Variants in TRIOBP observed in about 807,000 individuals in gnomAD.
TRIOBP encodes TRIO and F-actin binding protein, also known as TRIO and F-actin-binding protein.
Under a neutral mutation model 238.8 loss-of-function variants are expected in TRIOBP, and 169 were observed. The observed-to-expected ratio is 0.71, with a 90% confidence interval of 0.62 to 0.80. The LOEUF is 0.80. TRIOBP is among the 30% of genes least tolerant of loss of function. The pLI, the probability that TRIOBP is intolerant of heterozygous loss-of-function variation, is 0.00. For synonymous variants in TRIOBP, 1,150 were observed against 1,274.4 expected (o/e 0.90, Z 2.08); for missense variants, 2,838 against 3,122.6 (o/e 0.91, Z 2.17).
chr22:37,730,092 C>T (rs138459935), intron 7 of TRIOBP, among the ~76,000 whole-genome samples: 126 of 152,234 alleles, frequency 8.3e-4, no homozygotes, highest in African/African-American at 2.9e-3. Flanking sequence ...CTTAGAGTCA[C>T]GTAGCATCCT....
chr22:37,765,545 TG>T, intron 17 of TRIOBP, 124 bp from the exon 18 acceptor site: 1 of 1,284,360 alleles, frequency 7.8e-7, no homozygotes, highest in Non-Finnish European at 1.1e-6. Flanking sequence ...AGGTGCAGAC[TG>T]GAGGTGCTGG....
At chr22:37,715,610 TG>T (rs1330502575) in intron 5 of TRIOBP, among the ~76,000 whole-genome samples, 152 bp from the exon 6 acceptor site, 1 of 152,224 alleles carries the variant, frequency 6.6e-6, no homozygotes. Context: ...CCCAAAGTGC[TG>T]GGATTGCAGG....
At position 37,757,806 on chromosome 22, in the gene TRIOBP, A is replaced by G; in HGVS notation, c.5881A>G (p.Thr1961Ala). 6.5e-7 allele frequency: 1 copy of G among 1,547,068 alleles called. No individual in the cohort carries two copies. Among genetic ancestry groups the G allele is most frequent in the Non-Finnish European group, 8.7e-7 (1 of 1,144,784 alleles). ...LTQASPQRAR[T>A]PARTPDRLAK... is the part of the protein sequence containing the mutation. ...CCAGGCTTCCCCGCAGCGGGCCCGCACCCCAGCCCGCACTCCTGACCGCCT... is the reference window on the plus strand; with the variant it reads ...CCAGGCTTCCCCGCAGCGGGCCCGCGCCCCAGCCCGCACTCCTGACCGCCT... The change falls in exon 16 of 24, where the codon ACC becomes GCC. Residue 1961 changes from threonine to alanine, a missense_variant. By Grantham distance (58) the Thr-to-Ala change is moderately conservative. Around this residue, in one of 5 missense-constraint regions of TRIOBP, gnomAD observed 2,096 missense variants for 2,137.4 expected, o/e 0.98. Coordinates refer to ENST00000644935, the MANE Select transcript of TRIOBP (RefSeq NM_001039141.3).
Position 37,725,966 on chromosome 22 carries a change from A to G in TRIOBP, c.3410A>G (p.Gln1137Arg). ...GCCCCAGAGCCTTCCCTCTTATTCC[A>G]GGACCTCCCCAGGGCCAGCACAGAG... is the stretch of plus-strand genomic sequence containing the variant. ...RQAPEPSLLF[Q>R]DLPRASTESL... is the part of the protein sequence containing the mutation. Residue 1137 changes from glutamine (Q) to arginine (R), a missense_variant, in exon 7 of 24, where the codon CAG becomes CGG. Transcript: ENST00000644935. The G allele has an allele frequency of 6.2e-7, 1 of 1,604,390 alleles. No homozygotes were observed. The highest frequency in any genetic ancestry group is 8.5e-7 in the Non-Finnish European group (1 of 1,177,316).
At chr22:37,744,539 A>G (rs1001158232) in intron 11 of TRIOBP, among the ~76,000 whole-genome samples, 3 of 152,146 alleles carry the variant, frequency 2.0e-5, no homozygotes, top group Non-Finnish European at 4.4e-5. Context: ...TGTTGCGGGT[A>G]CTAGGAGGAG....
chr22:37,711,691 G>T (rs903215768), intron 4 of TRIOBP, among the ~76,000 whole-genome samples: 3 of 151,716 alleles, frequency 2.0e-5, no homozygotes, highest in African/African-American at 2.4e-5. Flanking sequence ...TGGGATAAAT[G>T]AAGTTGAATA....
intron 7 of TRIOBP, among the ~76,000 whole-genome samples, chr22:37,727,388 GC>G (rs1048098706): frequency 6.6e-6 from 1 of 152,038 alleles, no homozygotes; most frequent in African/African-American, 2.4e-5. Flanking sequence ...TATGGCCAGG[GC>G]CGGGCACGGT....
At chr22:37,739,588 C>T (rs147749451) in intron 10 of TRIOBP, among the ~76,000 whole-genome samples, 36 of 152,308 alleles carry the variant, frequency 2.4e-4, no homozygotes, top group Admixed American at 9.1e-4. Context: ...GGCCCAGGAA[C>T]CACCCAGCGC....
At chr22:37,714,934 A>G (rs1334977857) in intron 5 of TRIOBP, among the ~76,000 whole-genome samples, 1 of 152,144 alleles carries the variant, frequency 6.6e-6, no homozygotes, top group Non-Finnish European at 1.5e-5. Flanking sequence ...CGGAGTCTAC[A>G]CCACAGAAGG....
At position 37,718,843 on chromosome 22, in the gene TRIOBP, GTTTTTTTTTTTT is replaced by G. The variant is rs71195044; in HGVS notation, c.628+2919_628+2930del. ...GGCATTACTGGGACAACTGGGGCTT[GTTTTTTTTTTTT>G]TTTTTTTTTGAGATGGAGTCTTGCT... On this transcript the variant is annotated intron_variant, in intron 6 of 23. Transcript: ENST00000644935. Among the ~76,000 whole-genome samples the G allele has an allele frequency of 7.7e-5, 8 of 103,354 alleles. No homozygotes were observed. The South Asian group carries it at 2.6e-3, about 33-fold the overall frequency. 67.8% of individuals were successfully genotyped at this position (103,354 alleles called of 152,430 possible). A position where few individuals can be genotyped will look rare whatever the true frequency, so the allele number is the denominator to read the frequency against.
In TRIOBP at chr22:37,725,560, G is replaced by C; in HGVS notation, c.3004G>C (p.Ala1002Pro). The part of the protein sequence containing the change: ...SSPVYPAAYG[A>P]PLTSPEPSQP... ...ACCTGTGTACCCCGCTGCCTATGGGGCTCCCCTGACCTCTCCTGAGCCCTC... is the reference window on the plus strand; with the variant it reads ...ACCTGTGTACCCCGCTGCCTATGGGCCTCCCCTGACCTCTCCTGAGCCCTC... The change falls in exon 7 of 24, where the codon GCT (alanine) becomes CCT (proline). Residue 1002 changes from alanine (A) to proline (P), a missense_variant. This residue lies in a region of TRIOBP where 2,096 missense variants were observed against 2,137.4 expected (regional missense o/e 0.98). Coordinates refer to ENST00000644935, the MANE Select transcript of TRIOBP (RefSeq NM_001039141.3). 6.2e-7 allele frequency: 1 copy of C among 1,613,538 alleles called. No homozygotes were observed. Among genetic ancestry groups the C allele is most frequent in the South Asian group, 1.1e-5 (1 of 91,076 alleles).
Position 37,735,367 on chromosome 22 carries a change from T to C in TRIOBP, c.5031T>C (p.Thr1677=), listed in dbSNP as rs748746174. 5.0e-6 allele frequency: 8 copies of C among 1,611,756 alleles called. No homozygotes were observed. The African/African-American group carries it at 8.0e-5, about 16-fold the overall frequency. ...IKVTRGPATA[T]LAGLEQTGPL... The stretch of plus-strand genomic sequence containing the variant: ...TGACAAGAGGACCAGCGACCGCAAC[T>C]CTGGCAGGCCTGGAGCAGACGGGCC... The change falls in exon 9 of 24, where the codon ACT becomes ACC. Residue 1677 remains threonine, a synonymous_variant. Transcript: ENST00000644935.
At chr22:37,749,585 G>A (rs879048517) in intron 11 of TRIOBP, among the ~76,000 whole-genome samples, 2 of 152,102 alleles carry the variant, frequency 1.3e-5, no homozygotes, top group Admixed American at 1.3e-4. Context: ...GTATGAAGGG[G>A]CATCGTGGGA....
chr22:37,710,504 C>T lies in TRIOBP; in HGVS notation c.192C>T (p.Leu64=). 6.2e-7 allele frequency: 1 copy of T among 1,612,578 alleles called. No individual in the cohort carries two copies. The highest frequency in any genetic ancestry group is 8.5e-7 in the Non-Finnish European group (1 of 1,179,848). Residue 64 remains leucine (L), a synonymous_variant, in exon 4 of 24, where the codon CTC becomes CTT. Coordinates refer to ENST00000644935, the MANE Select transcript of TRIOBP (RefSeq NM_001039141.3). ...GTCCACCTGCCCCTGAGGACCCACT[C>T]AGCGCCTCAACCTCCGGCTGCCAGT... ...PRCPPAPEDP[L]SASTSGCQSV...
chr22:37,759,595 G>C (rs890357597), intron 17 of TRIOBP: 37 of 1,570,612 alleles, frequency 2.4e-5, no homozygotes, highest in Non-Finnish European at 3.0e-5. Context: ...TTGGACCCTT[G>C]CCCCGGGGAA....
chr22:37,746,122 C>T (rs1168917855), intron 11 of TRIOBP: 13 of 957,996 alleles, frequency 1.4e-5, no homozygotes, highest in African/African-American at 3.6e-5. Flanking sequence ...CCCGGCCCGT[C>T]TCGCGCTTCC....
At chr22:37,741,309 G>A (rs144621809) in intron 11 of TRIOBP, among the ~76,000 whole-genome samples, 2 of 152,250 alleles carry the variant, frequency 1.3e-5, no homozygotes, top group African/African-American at 4.8e-5. Flanking sequence ...CTTCCAATCA[G>A]CAGCCTCTCG....
intron 12 of TRIOBP, among the ~76,000 whole-genome samples, chr22:37,752,295 G>A (rs1925657194): frequency 6.6e-6 from 1 of 152,234 alleles, no homozygotes; most frequent in Non-Finnish European, 1.5e-5. Context: ...TGGGCATAAT[G>A]GATAATGGTG....
At chr22:37,716,833 T>C (rs375945198) in intron 6 of TRIOBP, among the ~76,000 whole-genome samples, 1 of 151,830 alleles carries the variant, frequency 6.6e-6, no homozygotes. Context: ...CAGGGAGGGG[T>C]TGAAGGATGA....
Sources: allele counts gnomAD v4.1 joint callset (sites outside exome capture counted in the v4.1 genomes callset), GRCh38; gene constraint gnomAD v4.1.1; regional missense constraint gnomAD v4.1.1; transcripts MANE v1.5; gene names NCBI Gene and HGNC (gene_info 2026-07-23, HGNC 2026-07-21).